Variants in MLST8 observed in about 807,000 individuals in gnomAD.
MLST8 encodes MTOR associated protein MLST8.
Under a neutral mutation model 41.3 loss-of-function variants are expected in MLST8, and 20 were observed. The ratio of observed to expected loss-of-function variants is 0.48; its 90% confidence interval spans 0.34 to 0.70. MLST8 has a LOEUF of 0.70. Among genes scored for constraint, MLST8 ranks in the 30% least tolerant of loss-of-function variants. The pLI is 0.01. For synonymous variants in MLST8, 243 were observed against 183.0 expected (o/e 1.33, Z -2.65); for missense variants, 422 against 454.3 (o/e 0.93, Z 0.65).
In MLST8 at chr16:2,206,499, T is replaced by C. The variant is rs770739432; in HGVS notation, c.184T>C (p.Tyr62His). The stretch of plus-strand genomic sequence containing the variant: ...TTCAGTTCAGCCTGTGTCCCTAGGT[T>C]ACCAGCACATCCGCATGTATGATCT... Reference protein sequence around the residue: ...PDRSMIAAAGYQHIRMYDLNS... With the variant: ...PDRSMIAAAGHQHIRMYDLNS... The change falls in exon 4 of 9, where the codon TAC becomes CAC. Residue 62 changes from tyrosine (Y) to histidine (H), a missense_variant and splice_region_variant. Coordinates refer to ENST00000569417, the MANE Select transcript of MLST8 (RefSeq NM_022372.6). The C allele has an allele frequency of 1.9e-6, 3 of 1,611,138 alleles. No homozygotes were observed. Among genetic ancestry groups the C allele is most frequent in the Admixed American group, 3.3e-5 (2 of 59,982 alleles).
Position 2,209,293 on chromosome 16 carries a change from C to T in MLST8, c.*416C>T. On this transcript the variant is annotated 3_prime_UTR_variant, in exon 9 of 9. Transcript: ENST00000569417. ...TTATTAGTCCCTGCCAGCAGCTGTC[C>T]TCCCTGGTGCAGGTGGCCTGGCCAG... is the stretch of plus-strand genomic sequence containing the variant. 2.1e-6 allele frequency: 3 copies of T among 1,398,730 alleles called. No individual in the cohort carries two copies. Among genetic ancestry groups the T allele is most frequent in the Middle Eastern group, 1.8e-4 (1 of 5,408 alleles). The allele number at this position is 1,398,730 out of a possible 1,614,324, so 86.6% of individuals were successfully genotyped here.
rs758345094 is a variant in MLST8 at position 2,208,262 on chromosome 16, A to G, written c.626A>G (p.Gln209Arg). 6.2e-7 allele frequency: 1 copy of G among 1,613,600 alleles called. No individual in the cohort carries two copies. ...GGGGGCATTGGTGACGAGGTGACCCAGCTCATCCCCAAGACTAAGATCCCT... is the reference window on the plus strand; with the variant it reads ...GGGGGCATTGGTGACGAGGTGACCCGGCTCATCCCCAAGACTAAGATCCCT... ...LTGGIGDEVT[Q>R]LIPKTKIPAH... Residue 209 changes from glutamine (Q) to arginine (R), a missense_variant, in exon 7 of 9, where the codon CAG becomes CGG. Physicochemically the swap from Gln to Arg is conservative, Grantham distance 43. Coordinates refer to ENST00000569417, the MANE Select transcript of MLST8 (RefSeq NM_022372.6).
rs1003242181 is a variant in MLST8 at position 2,209,034 on chromosome 16, C to T, written c.*157C>T. ...CCTGCTGGGCCAGGCTGCCCTGGGACTCTCAGCCCCCAGTTGCTTATCCAG... is the reference window on the plus strand; with the variant it reads ...CCTGCTGGGCCAGGCTGCCCTGGGATTCTCAGCCCCCAGTTGCTTATCCAG... On this transcript the variant is annotated 3_prime_UTR_variant, in exon 9 of 9. Coordinates refer to ENST00000569417, the MANE Select transcript of MLST8 (RefSeq NM_022372.6). 1.3e-6 allele frequency: 1 copy of T among 786,306 alleles called. No homozygotes were observed. Among genetic ancestry groups the T allele is most frequent in the Non-Finnish European group, 2.1e-6 (1 of 478,416 alleles). The allele number at this position is 786,306 out of a possible 1,614,324, so 48.7% of individuals were successfully genotyped here.
chr16:2,207,987 C>T (rs2093329331), intron 6 of MLST8: 2 of 465,490 alleles, frequency 4.3e-6, no homozygotes. Flanking sequence ...GAATTTGAGT[C>T]CTTGGCCAGG....
At chr16:2,205,913 C>T (rs1471998676) in intron 1 of MLST8, 118 bp from the exon 2 acceptor site, 2 of 1,437,990 alleles carry the variant, frequency 1.4e-6, no homozygotes, top group South Asian at 1.5e-5. Context: ...AACCTACCTG[C>T]GCTTCTTGTC....
chr16:2,209,339 C>G lies in MLST8; in HGVS notation c.*462C>G. On this transcript the variant is annotated 3_prime_UTR_variant, in exon 9 of 9. Transcript: ENST00000569417. ...GCCAGCCCACTGGATTGGGGACGGG[C>G]CAGGCTGGGCCAGGTCGGGGGCTCA... 1 of 1,599,980 alleles carries G rather than the reference C, an allele frequency of 6.3e-7. No individual in the cohort carries two copies. The highest frequency in any genetic ancestry group is 8.5e-7 in the Non-Finnish European group (1 of 1,170,092).
chr16:2,207,247 A>T lies in MLST8; in HGVS notation c.475A>T (p.Thr159Ser). 6.2e-7 allele frequency: 1 copy of T among 1,614,126 alleles called. No individual in the cohort carries two copies. The highest frequency in any genetic ancestry group is 8.5e-7 in the Non-Finnish European group (1 of 1,180,020). ...SGAIHIWDLK[T>S]DHNEQLIPEP... ...GGCTATCCACATCTGGGACTTGAAA[A>T]CAGACCACAACGAGCAGCTGATCCC... is the stretch of plus-strand genomic sequence containing the variant. The change falls in exon 6 of 9, where the codon ACA becomes TCA. Residue 159 changes from threonine (T) to serine (S), a missense_variant. Transcript: ENST00000569417.
intron 6 of MLST8, 156 bp from the exon 7 acceptor site, chr16:2,208,054 C>T (rs1316305258): frequency 6.2e-6 from 5 of 803,544 alleles, no homozygotes; most frequent in Non-Finnish European, 9.3e-6. Context: ...CCAGGCTTCC[C>T]AGGTGCCTTC....
At chr16:2,206,963 C>T (rs1225753682) in intron 4 of MLST8, 72 bp from the exon 5 acceptor site, 2 of 1,575,344 alleles carry the variant, frequency 1.3e-6, no homozygotes, top group Non-Finnish European at 1.7e-6. Flanking sequence ...GGAGGAATGG[C>T]CAGGCCGAGG....
chr16:2,206,225 C>T lies in MLST8; in HGVS notation c.129+11C>T, dbSNP rs1225848486. The T allele has an allele frequency of 6.2e-7, 1 of 1,604,802 alleles. No homozygotes were observed. The highest frequency in any genetic ancestry group is 1.1e-5 in the South Asian group (1 of 90,772). ...CAGCACCAGGACTCCGTATCCTCCA[C>T]CCGGGGCGGGCAGGGCGGCGCTGGG... On this transcript the variant is annotated intron_variant, in intron 2 of 8. Coordinates refer to ENST00000569417, the MANE Select transcript of MLST8 (RefSeq NM_022372.6).
intron 6 of MLST8, chr16:2,207,947 C>T (rs1458921284): frequency 7.6e-6 from 3 of 394,128 alleles, no homozygotes; most frequent in Middle Eastern, 6.7e-4. Flanking sequence ...CTGTCTACTT[C>T]CGTTGGCCAT....
In MLST8 at chr16:2,208,790, T is replaced by C. The variant is rs1242970853; in HGVS notation, c.894T>C (p.Cys298=). Residue 298 remains cysteine, a synonymous_variant, in exon 9 of 9, where the codon TGT becomes TGC. Transcript: ENST00000569417. The part of the protein sequence containing the change: ...ASSDNLARLW[C]VETGEIKREY... Reference sequence around the variant, plus strand: ...CGGACAACCTGGCCCGGCTCTGGTGTGTGGAGACTGGAGAGATCAAGAGAG... The same window carrying C: ...CGGACAACCTGGCCCGGCTCTGGTGCGTGGAGACTGGAGAGATCAAGAGAG... 6.2e-7 allele frequency: 1 copy of C among 1,613,862 alleles called. No individual in the cohort carries two copies. Among genetic ancestry groups the C allele is most frequent in the Non-Finnish European group, 8.5e-7 (1 of 1,179,920 alleles).
intron 6 of MLST8, chr16:2,207,558 T>G (rs2093317716): frequency 3.4e-6 from 2 of 596,752 alleles, no homozygotes; most frequent in Non-Finnish European, 5.9e-6. Context: ...CTTTCTGGAG[T>G]CTCTCCCAAG....
At position 2,209,328 on chromosome 16, in the gene MLST8, T is replaced by C. The variant is rs368773570; in HGVS notation, c.*451T>C. 138 of 1,582,714 alleles carry C rather than the reference T, an allele frequency of 8.7e-5. No homozygotes were observed. Among genetic ancestry groups the C allele is most frequent in the Middle Eastern group, 3.4e-4 (2 of 5,956 alleles). ...CAGGTGGCCTGGCCAGCCCACTGGA[T>C]TGGGGACGGGCCAGGCTGGGCCAGG... On this transcript the variant is annotated 3_prime_UTR_variant, in exon 9 of 9. Coordinates refer to ENST00000569417, the MANE Select transcript of MLST8 (RefSeq NM_022372.6).
At position 2,209,130 on chromosome 16, in the gene MLST8, T is replaced by G; in HGVS notation, c.*253T>G. Reference sequence around the variant, plus strand: ...GGCTAGCCTGCACTGCCTGGGAAAGTCGGCCGAGGGCCCAAAGCTGCTGAG... The same window carrying G: ...GGCTAGCCTGCACTGCCTGGGAAAGGCGGCCGAGGGCCCAAAGCTGCTGAG... On this transcript the variant is annotated 3_prime_UTR_variant, in exon 9 of 9. Coordinates refer to ENST00000569417, the MANE Select transcript of MLST8 (RefSeq NM_022372.6). The G allele has an allele frequency of 1.6e-6, 1 of 639,564 alleles. No individual in the cohort carries two copies. The highest frequency in any genetic ancestry group is 1.9e-5 in the South Asian group (1 of 51,826). 39.6% of individuals were successfully genotyped at this position (639,564 alleles called of 1,614,324 possible). A position where few individuals can be genotyped will look rare whatever the true frequency, so the allele number is the denominator to read the frequency against.
intron 1 of MLST8, chr16:2,205,806 G>A (rs112805476): frequency 0.24 from 266,434 of 1,109,478 alleles, 35,061 homozygotes; most frequent in Non-Finnish European, 0.27. Flanking sequence ...GCGGAGGTGG[G>A]GGGGGGACGG....
At chr16:2,207,998 C>T (rs748479805) in intron 6 of MLST8, 163 of 489,650 alleles carry the variant, frequency 3.3e-4, no homozygotes, top group Non-Finnish European at 4.6e-4. Context: ...CTTGGCCAGG[C>T]GTGGCCTCCT....
In MLST8 at chr16:2,206,357, G is replaced by A; in HGVS notation, c.130-1G>A. ...CCCGTCATCCTCCTTAACAGTCCCA[G>A]CAGGTGAATGCCTTGGAGGTCACAC... is the stretch of plus-strand genomic sequence containing the variant. On this transcript the variant is annotated splice_acceptor_variant, in intron 2 of 8. Transcript: ENST00000569417. LOFTEE classifies it high-confidence loss of function. 1 of 1,614,024 alleles carries A rather than the reference G, an allele frequency of 6.2e-7. No individual in the cohort carries two copies. Among genetic ancestry groups the A allele is most frequent in the Non-Finnish European group, 8.5e-7 (1 of 1,180,020 alleles).
rs774035517 is a variant in MLST8 at position 2,206,330 on chromosome 16, T to G, written c.130-28T>G. 1.9e-6 allele frequency: 3 copies of G among 1,613,150 alleles called. No homozygotes were observed. The Admixed American group carries it at 5.0e-5, about 27-fold the overall frequency. ...GGGGGGCCCTGGCCTCAGGGCTACC[T>G]TCCCGTCATCCTCCTTAACAGTCCC... On this transcript the variant is annotated intron_variant, in intron 2 of 8. Coordinates refer to ENST00000569417, the MANE Select transcript of MLST8 (RefSeq NM_022372.6).
Sources: allele counts gnomAD v4.1 joint callset, GRCh38; gene constraint gnomAD v4.1.1; transcripts MANE v1.5; gene names NCBI Gene and HGNC (gene_info 2026-07-23, HGNC 2026-07-21).